Variants in PROKR1 observed in about 807,000 individuals in gnomAD.
PROKR1 encodes the protein G protein-coupled receptor 73.
A neutral mutation model predicts 22.8 loss-of-function variants in PROKR1; 21 were observed. The ratio of observed to expected loss-of-function variants is 0.92; its 90% CI spans 0.65 to 1.32. PROKR1 has a LOEUF of 1.32. PROKR1 is among the 40% of genes most tolerant of loss of function. The probability of loss-of-function intolerance (pLI) is 0.00; values close to 1 mark genes in which losing one functional copy is unlikely to be tolerated. For missense variants in PROKR1, 548 were observed against 514.2 expected (o/e 1.07, Z -0.64); for synonymous variants, 193 against 207.5 (o/e 0.93, Z 0.60).
chr2:68,646,912 G>A (rs1673190708), intron 2 of PROKR1, among the ~76,000 whole-genome samples: 2 of 152,138 alleles, frequency 1.3e-5, no homozygotes, highest in African/African-American at 4.8e-5. Context: ...GCTGAGCGTG[G>A]TGGTGTGTGC....
rs1461332772 is a variant in PROKR1, at chr2:68,657,869, T to C, written c.*2293T>C. The C allele has an allele frequency of 6.6e-6, 1 of 152,206 alleles. No homozygotes were observed. Among genetic ancestry groups the C allele is most frequent in the Non-Finnish European group, 1.5e-5 (1 of 68,036 alleles). The allele number at this position is 152,206 out of a possible 1,614,324, so 9.4% of individuals were successfully genotyped here. A position where few individuals can be genotyped will look rare whatever the true frequency, so the allele number is the denominator to read the frequency against. ...TTACCCTACAATTTAATCAGAATGC[T>C]CTTGGAGAGTAAAATTAATTAAAAT... is the stretch of plus-strand genomic sequence containing the variant. On this transcript the variant is annotated 3_prime_UTR_variant, in exon 3 of 3. Coordinates refer to ENST00000303786, the MANE Select transcript of PROKR1 (RefSeq NM_138964.4).
In PROKR1 at chr2:68,654,936, G is replaced by T. The variant is rs1673409513; in HGVS notation, c.542G>T (p.Gly181Val). 1 of 1,613,634 alleles carries T rather than the reference G, an allele frequency of 6.2e-7. No individual in the cohort carries two copies. The highest frequency in any genetic ancestry group is 8.5e-7 in the Non-Finnish European group (1 of 1,180,002). ...RPRMKCQTAT[G>V]LIALVWTVSI... ...CGGATGAAGTGCCAAACAGCCACTG[G>T]CCTGATTGCCTTGGTGTGGACGGTG... Residue 181 changes from glycine (G) to valine (V), a missense_variant, in exon 3 of 3, where the codon GGC (glycine) becomes GTC (valine). Physicochemically the swap from Gly to Val is moderately radical, Grantham distance 109. Transcript: ENST00000303786.
Position 68,655,147 on chromosome 2 carries a change from C to T in PROKR1, c.753C>T (p.Cys251=). 1 of 1,614,220 alleles carries T rather than the reference C, an allele frequency of 6.2e-7. No homozygotes were observed. Among genetic ancestry groups the T allele is most frequent in the Non-Finnish European group, 8.5e-7 (1 of 1,180,040 alleles). Residue 251 remains cysteine (C), a synonymous_variant, in exon 3 of 3, where the codon TGC becomes TGT. Transcript: ENST00000303786. ...FVGPVVTMTL[C]YARISRELWF... is the part of the protein sequence containing the mutation. The stretch of plus-strand genomic sequence containing the variant: ...GCCCCGTGGTCACCATGACCCTGTG[C>T]TATGCCAGGATCTCCCGGGAGCTCT...
intron 2 of PROKR1, among the ~76,000 whole-genome samples, chr2:68,648,512 G>A (rs1424078085): frequency 1.3e-5 from 2 of 152,098 alleles, no homozygotes; most frequent in Non-Finnish European, 1.5e-5. Flanking sequence ...CAGACCTCAA[G>A]GAAAGCACCA....
At chr2:68,649,871 C>T (rs1009841975) in intron 2 of PROKR1, among the ~76,000 whole-genome samples, 1 of 152,104 alleles carries the variant, frequency 6.6e-6, no homozygotes, top group Non-Finnish European at 1.5e-5. Flanking sequence ...AACAGAGGAA[C>T]AGAGAGAAGC....
intron 1 of PROKR1, among the ~76,000 whole-genome samples, chr2:68,644,925 C>T (rs1304910874): frequency 6.6e-6 from 1 of 152,150 alleles, no homozygotes; most frequent in Non-Finnish European, 1.5e-5. Flanking sequence ...ACAGAGGAGG[C>T]CTGAGAGCGC....
intron 2 of PROKR1, among the ~76,000 whole-genome samples, chr2:68,654,647 A>C (rs1673399807): frequency 6.6e-6 from 1 of 151,960 alleles, no homozygotes; most frequent in African/African-American, 2.4e-5. Context: ...TAAAAATAAA[A>C]AATTAGCGCG....
chr2:68,645,080 A>G (rs1352826902), intron 1 of PROKR1, among the ~76,000 whole-genome samples: 4 of 152,242 alleles, frequency 2.6e-5, no homozygotes, highest in Non-Finnish European at 4.4e-5. Context: ...CCAGCCAAGG[A>G]AAAATTTTGC....
chr2:68,654,942 T>G lies in PROKR1; in HGVS notation c.548T>G (p.Ile183Ser), dbSNP rs750201940. The G allele has an allele frequency of 8.1e-6, 13 of 1,613,820 alleles. No homozygotes were observed. The highest frequency in any genetic ancestry group is 1.3e-5 in the African/African-American group (1 of 74,908). Reference protein sequence around the residue: ...RMKCQTATGLIALVWTVSILI... With the variant: ...RMKCQTATGLSALVWTVSILI... ...AAGTGCCAAACAGCCACTGGCCTGA[T>G]TGCCTTGGTGTGGACGGTGTCCATC... The change falls in exon 3 of 3, where the codon ATT becomes AGT. Residue 183 changes from isoleucine to serine, a missense_variant. By Grantham distance (142) the Ile-to-Ser change is moderately radical. Coordinates refer to ENST00000303786, the MANE Select transcript of PROKR1 (RefSeq NM_138964.4).
At chr2:68,646,370 C>A in intron 2 of PROKR1, 64 bp downstream of exon 2, 1 of 1,590,470 alleles carries the variant, frequency 6.3e-7, no homozygotes, top group Non-Finnish European at 8.6e-7. Flanking sequence ...GGAATTGCCC[C>A]CTCCTGTACT....
chr2:68,655,742 T>A lies in PROKR1; in HGVS notation c.*166T>A. The stretch of plus-strand genomic sequence containing the variant: ...AGGAGCTCAGAGTTTCTAAAATGCA[T>A]GTGACCAGACACTATCAACAGTGGC... On this transcript the variant is annotated 3_prime_UTR_variant, in exon 3 of 3. Transcript: ENST00000303786. 1 of 695,188 alleles carries A rather than the reference T, an allele frequency of 1.4e-6. No homozygotes were observed. The highest frequency in any genetic ancestry group is 1.8e-5 in the African/African-American group (1 of 56,272). The allele number at this position is 695,188 out of a possible 1,614,324, so 43.1% of individuals were successfully genotyped here.
intron 1 of PROKR1, among the ~76,000 whole-genome samples, chr2:68,645,158 G>A (rs1673147146): frequency 6.6e-6 from 1 of 152,124 alleles, no homozygotes; most frequent in Admixed American, 6.5e-5. Flanking sequence ...CCTCTGTCTG[G>A]GGACAGGCCT....
intron 2 of PROKR1, among the ~76,000 whole-genome samples, chr2:68,651,730 T>C (rs1673336009): frequency 6.6e-6 from 1 of 152,224 alleles, no homozygotes; most frequent in Non-Finnish European, 1.5e-5. Flanking sequence ...GATCTGGGGC[T>C]TGGTCCTGGG....
At position 68,655,657 on chromosome 2, in the gene PROKR1, G is replaced by C; in HGVS notation, c.*81G>C. 1 of 1,395,070 alleles carries C rather than the reference G, an allele frequency of 7.2e-7. No homozygotes were observed. The highest frequency in any genetic ancestry group is 1.0e-6 in the Non-Finnish European group (1 of 1,004,158). The allele number at this position is 1,395,070 out of a possible 1,614,324, so 86.4% of individuals were successfully genotyped here. A position where few individuals can be genotyped will look rare whatever the true frequency, so the allele number is the denominator to read the frequency against. Reference sequence around the variant, plus strand: ...GTGTGCTTGGATGCACATCAACCTGGAACTTTTTGTTTGCTGCAGAGGGTA... The same window carrying C: ...GTGTGCTTGGATGCACATCAACCTGCAACTTTTTGTTTGCTGCAGAGGGTA... On this transcript the variant is annotated 3_prime_UTR_variant, in exon 3 of 3. Coordinates refer to ENST00000303786, the MANE Select transcript of PROKR1 (RefSeq NM_138964.4).
chr2:68,646,744 T>A (rs183905491), intron 2 of PROKR1, among the ~76,000 whole-genome samples: 145 of 152,284 alleles, frequency 9.5e-4, no homozygotes, highest in Non-Finnish European at 1.6e-3. Context: ...TGTTTTTAAA[T>A]AAGATTCAAG....
At position 68,645,646 on chromosome 2, in the gene PROKR1, T is replaced by C; in HGVS notation, c.-160-16T>C. On this transcript the variant is annotated splice_polypyrimidine_tract_variant and intron_variant, in intron 1 of 2. Transcript: ENST00000303786. Reference sequence around the variant, plus strand: ...TTACTGCAACATATAGCCAACTGTTTGTATGTCTTTCAAAGGTTTAGAATG... The same window carrying C: ...TTACTGCAACATATAGCCAACTGTTCGTATGTCTTTCAAAGGTTTAGAATG... 6.7e-6 allele frequency: 6 copies of C among 900,664 alleles called. No individual in the cohort carries two copies. The South Asian group carries it at 1.0e-4, about 15-fold the overall frequency. 55.8% of individuals were successfully genotyped at this position (900,664 alleles called of 1,614,324 possible).
In PROKR1 at chr2:68,655,889, A is replaced by C; in HGVS notation, c.*313A>C. 2.4e-6 allele frequency: 1 copy of C among 409,170 alleles called. No homozygotes were observed. Among genetic ancestry groups the C allele is most frequent in the South Asian group, 2.2e-5 (1 of 45,206 alleles). The allele number at this position is 409,170 out of a possible 1,614,324, so 25.3% of individuals were successfully genotyped here. On this transcript the variant is annotated 3_prime_UTR_variant, in exon 3 of 3. Coordinates refer to ENST00000303786, the MANE Select transcript of PROKR1 (RefSeq NM_138964.4). ...AGGAAAATGTGGTGGTGTAGATAGA[A>C]ATAAGGGAGTTTCCACAAAAGAACT...
Position 68,657,133 on chromosome 2 carries a change from C to T in PROKR1, c.*1557C>T, listed in dbSNP as rs1673487572. 2 of 152,174 alleles carry T rather than the reference C, an allele frequency of 1.3e-5. No homozygotes were observed. Among genetic ancestry groups the T allele is most frequent in the Non-Finnish European group, 1.5e-5 (1 of 68,038 alleles). The allele number at this position is 152,174 out of a possible 1,614,324, so 9.4% of individuals were successfully genotyped here. On this transcript the variant is annotated 3_prime_UTR_variant, in exon 3 of 3. Transcript: ENST00000303786. ...CCTCTCCGAGGGGACAAAGGTAACA[C>T]CTTTGTCCTTCTGTGGTACCTTCTG...
intron 2 of PROKR1, among the ~76,000 whole-genome samples, chr2:68,651,099 C>A (rs191633229): frequency 6.6e-6 from 1 of 152,136 alleles, no homozygotes; most frequent in South Asian, 2.1e-4. Flanking sequence ...TGGTGGCTCA[C>A]GCCTGTAATC....
Sources: allele counts gnomAD v4.1 joint callset (sites outside exome capture counted in the v4.1 genomes callset), GRCh38; gene constraint gnomAD v4.1.1; transcripts MANE v1.5; gene names NCBI Gene and HGNC (gene_info 2026-07-23, HGNC 2026-07-21).